PHF20: variants seen among roughly 807,000 people sequenced by gnomAD.
The protein encoded by PHF20 is PHD finger protein 20, also known as glioma-expressed antigen 2.
PHF20 carries 23 observed loss-of-function variants against 113.5 expected under a neutral mutation model. The ratio of observed to expected loss-of-function variants is 0.20; its 90% CI spans 0.15 to 0.29. The LOEUF (loss-of-function observed/expected upper bound fraction) is 0.29, where lower values mean the gene tolerates loss of function less well. Ranked by LOEUF, PHF20 falls within the 10% of genes least tolerant of loss-of-function variation. The probability of loss-of-function intolerance (pLI) is 1.00; values close to 1 mark genes in which losing one functional copy is unlikely to be tolerated. For synonymous variants in PHF20, 434 were observed against 457.3 expected (o/e 0.95, Z 0.65); for missense variants, 943 against 1,219.6 (o/e 0.77, Z 3.38).
rs77762970 is a variant in PHF20, at chr20:35,820,530, G to A, written c.83+18925G>A. Among the ~76,000 whole-genome samples, 1,434 of 149,320 alleles carry A rather than the reference G, an allele frequency of 9.6e-3. 15 individuals carry two copies. Among genetic ancestry groups the A allele is most frequent in the East Asian group, 0.039 (198 of 5,074 alleles). On this transcript the variant is annotated intron_variant, in intron 2 of 17. Coordinates refer to ENST00000374012, the MANE Select transcript of PHF20 (RefSeq NM_016436.5). ...GTGGCATGATCTTGGCTCACTGCAA[G>A]CTCCGCCTCCCAGGTTCACACCATT...
chr20:35,824,259 CT>C (rs1038662633), intron 2 of PHF20, among the ~76,000 whole-genome samples: 4 of 150,774 alleles, frequency 2.7e-5, no homozygotes, highest in African/African-American at 4.9e-5. Flanking sequence ...TTTTTCTCTC[CT>C]TTTTTTTTAA....
chr20:35,773,201 T>C (rs2041099588), intron 1 of PHF20, among the ~76,000 whole-genome samples: 1 of 152,214 alleles, frequency 6.6e-6, no homozygotes. Flanking sequence ...GCAGCCACTT[T>C]CCAGATGCTT....
intron 15 of PHF20, 67 bp from the exon 16 acceptor site, chr20:35,938,630 G>A: frequency 6.8e-7 from 1 of 1,460,306 alleles, no homozygotes; most frequent in Non-Finnish European, 9.3e-7. Context: ...AGAGTATTTA[G>A]GAATTGAGAA....
intron 2 of PHF20, among the ~76,000 whole-genome samples, chr20:35,812,451 AT>A (rs1448524924): frequency 6.6e-6 from 1 of 152,168 alleles, no homozygotes; most frequent in Admixed American, 6.6e-5. Context: ...CCTTCACAAC[AT>A]TATTTGTTTA....
At chr20:35,939,529 A>G (rs1437144075) in intron 16 of PHF20, among the ~76,000 whole-genome samples, 4 of 152,222 alleles carry the variant, frequency 2.6e-5, no homozygotes, top group Non-Finnish European at 5.9e-5. Flanking sequence ...GTTGTATGAT[A>G]GCTTTATTTT....
At chr20:35,830,275 T>C (rs2146917924) in intron 2 of PHF20, among the ~76,000 whole-genome samples, 1 of 152,296 alleles carries the variant, frequency 6.6e-6, no homozygotes. Context: ...GCCTCATCCC[T>C]TCTCCCCTTA....
intron 1 of PHF20, among the ~76,000 whole-genome samples, chr20:35,791,796 C>T (rs957882557): frequency 2.0e-5 from 3 of 151,700 alleles, no homozygotes; most frequent in Non-Finnish European, 2.9e-5. Flanking sequence ...AAATGTTGTC[C>T]GAGTGTGGGA....
At chr20:35,849,294 G>A (rs145077633) in intron 4 of PHF20, 5 of 380,400 alleles carry the variant, frequency 1.3e-5, no homozygotes, top group Non-Finnish European at 5.3e-6. Flanking sequence ...GCCTCTAAGA[G>A]GGGTGGGAAG....
At chr20:35,900,288 A>G (rs1187727125) in intron 10 of PHF20, among the ~76,000 whole-genome samples, 2 of 152,278 alleles carry the variant, frequency 1.3e-5, no homozygotes, top group East Asian at 1.9e-4. Context: ...AAATTATATA[A>G]TCTTCCCAGC....
intron 1 of PHF20, chr20:35,774,619 A>C (rs954938576): frequency 6.6e-6 from 1 of 152,230 alleles, no homozygotes; most frequent in African/African-American, 2.4e-5. Context: ...GTGCAGCTGC[A>C]TGAGGCCTCA....
intron 1 of PHF20, among the ~76,000 whole-genome samples, chr20:35,790,920 G>A (rs1055154394): frequency 1.2e-4 from 18 of 151,974 alleles, no homozygotes; most frequent in African/African-American, 3.9e-4. Flanking sequence ...CTGCAGTGGC[G>A]CGATCTTGGC....
chr20:35,883,878 T>C (rs1271691085), intron 9 of PHF20, among the ~76,000 whole-genome samples: 1 of 152,134 alleles, frequency 6.6e-6, no homozygotes, highest in East Asian at 1.9e-4. Flanking sequence ...AAACTTCTGC[T>C]CTCGGGGCAC....
At chr20:35,790,846 T>A (rs2041530520) in intron 1 of PHF20, among the ~76,000 whole-genome samples, 1 of 152,094 alleles carries the variant, frequency 6.6e-6, no homozygotes, top group Admixed American at 6.6e-5. Context: ...GCCGCTGAAC[T>A]GTTTTTTTTG....
At chr20:35,843,199 T>G (rs1250535744) in intron 3 of PHF20, among the ~76,000 whole-genome samples, 1 of 151,786 alleles carries the variant, frequency 6.6e-6, no homozygotes, top group African/African-American at 2.4e-5. Flanking sequence ...CTTCTGATCT[T>G]TTGTTAAGCT....
chr20:35,828,596 C>T (rs547336709), intron 2 of PHF20, among the ~76,000 whole-genome samples: 2 of 152,284 alleles, frequency 1.3e-5, no homozygotes, highest in East Asian at 3.9e-4. Context: ...GGCTTAAGGT[C>T]ATATAGGGCA....
chr20:35,916,201 A>T (rs1377118043), intron 12 of PHF20, among the ~76,000 whole-genome samples: 1 of 152,272 alleles, frequency 6.6e-6, no homozygotes, highest in Admixed American at 6.5e-5. Flanking sequence ...ATGCTGACAG[A>T]CACAAAGTAT....
Position 35,850,051 on chromosome 20 carries a change from G to A in PHF20, c.340+2617G>A, listed in dbSNP as rs144174128. ...TTCTTAAGGAAGTCTGTTAGCACTC[G>A]GAAAATAGGGCATATAATGCCATAT... On this transcript the variant is annotated intron_variant, in intron 4 of 17. Transcript: ENST00000374012. 4.6e-3 allele frequency among the ~76,000 whole-genome samples: 693 copies of A among 152,198 alleles called. 2 individuals carry two copies. The highest frequency in any genetic ancestry group is 0.015 in the African/African-American group (639 of 41,540).
chr20:35,843,808 G>A (rs1230399513), intron 3 of PHF20, among the ~76,000 whole-genome samples: 1 of 152,004 alleles, frequency 6.6e-6, no homozygotes, highest in Non-Finnish European at 1.5e-5. Context: ...TGAACTCCGG[G>A]CTCAAGTGAT....
chr20:35,910,280 T>G (rs2147077175), intron 10 of PHF20, among the ~76,000 whole-genome samples: 1 of 152,292 alleles, frequency 6.6e-6, no homozygotes, highest in Middle Eastern at 3.4e-3. Flanking sequence ...GGGGAAATGC[T>G]GCTTAATGGT....
Sources: gnomAD v4.1 joint callset for allele counts (sites outside exome capture counted in the v4.1 genomes callset) on GRCh38, gnomAD v4.1.1 for gene constraint, MANE v1.5 for transcripts, NCBI Gene and HGNC (gene_info 2026-07-23, HGNC 2026-07-21) for gene names.